The following HERPUD2 variants were observed in gnomAD, a reference collection of about 807,000 sequenced individuals.
The protein encoded by HERPUD2 is homocysteine-responsive endoplasmic reticulum-resident ubiquitin-like domain member 2 protein.
Under a neutral mutation model 49.9 loss-of-function variants are expected in HERPUD2, and 13 were observed. That is an observed-to-expected ratio of 0.26 (90% CI 0.17 to 0.41). The LOEUF is 0.41. Among genes scored for constraint, HERPUD2 ranks in the 10% least tolerant of loss-of-function variants. The pLI, the probability that HERPUD2 is intolerant of heterozygous loss-of-function variation, is 1.00. For synonymous variants in HERPUD2, 172 were observed against 171.4 expected, an observed-to-expected ratio of 1.00 and a Z score of -0.03; for missense variants, 449 against 492.2, an observed-to-expected ratio of 0.91 and a Z score of 0.83.
chr7:35,668,605 G>A (rs1400899486), intron 4 of HERPUD2: 3 of 154,872 alleles, frequency 1.9e-5, no homozygotes, highest in Non-Finnish European at 4.4e-5. Context: ...GTCCTGCAAT[G>A]TGAAAGGTCC....
chr7:35,671,422 C>A (rs533163578), intron 3 of HERPUD2, among the ~76,000 whole-genome samples: 1 of 152,086 alleles, frequency 6.6e-6, no homozygotes, highest in Admixed American at 6.6e-5. Context: ...ACAGAAGGTA[C>A]GCCTGGCAAA....
chr7:35,685,296 G>C (rs886831972), intron 2 of HERPUD2, among the ~76,000 whole-genome samples: 2 of 148,986 alleles, frequency 1.3e-5, no homozygotes, highest in African/African-American at 4.9e-5. Flanking sequence ...GCCTAAACTA[G>C]GTAAAAAGTA....
intron 5 of HERPUD2, among the ~76,000 whole-genome samples, chr7:35,648,852 ATT>A (rs1038392085): frequency 8.5e-5 from 13 of 152,262 alleles, no homozygotes; most frequent in African/African-American, 3.1e-4. Flanking sequence ...AGCCACTGAT[ATT>A]TTGAGGTTAG....
intron 5 of HERPUD2, among the ~76,000 whole-genome samples, chr7:35,660,750 T>C (rs974822915): frequency 2.6e-5 from 4 of 152,192 alleles, no homozygotes; most frequent in Non-Finnish European, 4.4e-5. Flanking sequence ...GTAAATTTGT[T>C]TAAGTTCTTC....
At chr7:35,664,426 A>C (rs986923710) in intron 5 of HERPUD2, among the ~76,000 whole-genome samples, 8 of 152,090 alleles carry the variant, frequency 5.3e-5, no homozygotes, top group Admixed American at 3.3e-4. Flanking sequence ...CCTGAATTTG[A>C]ATGTTGGCCT....
intron 3 of HERPUD2, among the ~76,000 whole-genome samples, chr7:35,672,831 A>C (rs1321088031): frequency 6.6e-6 from 1 of 152,130 alleles, no homozygotes; most frequent in Non-Finnish European, 1.5e-5. Flanking sequence ...AATTTGTATA[A>C]AAATATCATG....
At chr7:35,673,422 T>C in intron 2 of HERPUD2, 144 bp from the exon 3 acceptor site, 1 of 605,084 alleles carries the variant, frequency 1.7e-6, no homozygotes, top group Non-Finnish European at 2.9e-6. Flanking sequence ...GAATTTTTGT[T>C]TTTCCAAATT....
rs77586952 is a variant in HERPUD2 at position 35,670,037 on chromosome 7, G to A, written c.339+178C>T. On this transcript the variant is annotated intron_variant, in intron 4 of 8. Transcript: ENST00000311350. Reference sequence around the variant, plus strand: ...AATAGACTTCAAGGGATAACACTGCGTATTAGATCTTTCAAAATGGTAAAC... The same window carrying A: ...AATAGACTTCAAGGGATAACACTGCATATTAGATCTTTCAAAATGGTAAAC... Among the ~76,000 whole-genome samples the A allele has an allele frequency of 5.4e-3, 815 of 151,824 alleles. 14 individuals are homozygous for A. The highest frequency in any genetic ancestry group is 4.0e-3 in the Non-Finnish European group (272 of 67,932).
intron 2 of HERPUD2, among the ~76,000 whole-genome samples, chr7:35,679,301 A>G (rs1048285077): frequency 6.6e-6 from 1 of 152,222 alleles, no homozygotes; most frequent in African/African-American, 2.4e-5. Context: ...AAGCTAGCAC[A>G]TATTGTATTT....
chr7:35,667,467 G>A lies in HERPUD2; in HGVS notation c.461C>T (p.Ala154Val). 1.2e-6 allele frequency: 2 copies of A among 1,613,872 alleles called. No homozygotes were observed. Among genetic ancestry groups the A allele is most frequent in the South Asian group, 1.1e-5 (1 of 91,056 alleles). ...RTLPQAQTDQ[A>V]QSHQFPYVMQ... ...TACATATGGAAACTGGTGACTCTGT[G>A]CTTGGTCAGTTTGTGCTTGTGGAAG... Residue 154 changes from alanine to valine, a missense_variant, in exon 5 of 9, where the codon GCA (alanine) becomes GTA (valine). Coordinates refer to ENST00000311350, the MANE Select transcript of HERPUD2 (RefSeq NM_022373.5).
At chr7:35,643,679 T>C (rs904889951) in intron 5 of HERPUD2, among the ~76,000 whole-genome samples, 2 of 150,952 alleles carry the variant, frequency 1.3e-5, no homozygotes, top group Non-Finnish European at 3.0e-5. Context: ...ATAATAAAAA[T>C]AAAATAATAA....
intron 5 of HERPUD2, among the ~76,000 whole-genome samples, chr7:35,660,283 G>A (rs1035419381): frequency 1.3e-5 from 2 of 152,192 alleles, no homozygotes; most frequent in African/African-American, 4.8e-5. Flanking sequence ...ATCATTGATG[G>A]ACATTTGGGT....
At chr7:35,652,599 A>AG (rs1785189742) in intron 5 of HERPUD2, among the ~76,000 whole-genome samples, 1 of 151,904 alleles carries the variant, frequency 6.6e-6, no homozygotes, top group South Asian at 2.1e-4. Flanking sequence ...AAGAAAAGAA[A>AG]AAAGGAAAGA....
chr7:35,670,244 G>T lies in HERPUD2; in HGVS notation c.310C>A (p.His104Asn), dbSNP rs201373686. 3 of 1,581,518 alleles carry T rather than the reference G, an allele frequency of 1.9e-6. No homozygotes were observed. In the East Asian group the frequency reaches 6.8e-5, roughly 36 times the overall value. Residue 104 changes from histidine (H) to asparagine (N), a missense_variant, in exon 4 of 9, where the codon CAT (histidine) becomes AAT (asparagine). Physicochemically the swap from His to Asn is moderately conservative, Grantham distance 68. Coordinates refer to ENST00000311350, the MANE Select transcript of HERPUD2 (RefSeq NM_022373.5). ...TTGCTGCTGGATGCCAATGCTTCAT[G>T]ACTTTCTCTATTGGTGCTGGATTTT... ...SPKSSTNRES[H>N]EALASSSNSS...
chr7:35,674,400 TATATAGAG>T (rs1785708993), intron 2 of HERPUD2, among the ~76,000 whole-genome samples: 2 of 60,200 alleles, frequency 3.3e-5, no homozygotes, highest in South Asian at 6.9e-4. Context: ...TATATATATA[TATATAGAG>T]AGAGAGAGAG....
chr7:35,657,633 C>T lies in HERPUD2; in HGVS notation c.494+9801G>A, dbSNP rs566914685. 4.4e-3 allele frequency among the ~76,000 whole-genome samples: 620 copies of T among 141,436 alleles called. 1 individual carries two copies. Among genetic ancestry groups the T allele is most frequent in the Admixed American group, 0.012 (161 of 13,808 alleles). The allele number at this position is 141,436 out of a possible 152,430, so 92.8% of individuals were successfully genotyped here. On this transcript the variant is annotated intron_variant, in intron 5 of 8. Coordinates refer to ENST00000311350, the MANE Select transcript of HERPUD2 (RefSeq NM_022373.5). ...AAAAAAAAAAAAAAAAAAGGCCGGGCGCGGTGGCTCACGAGCCTGTAATCC... is the reference window on the plus strand; with the variant it reads ...AAAAAAAAAAAAAAAAAAGGCCGGGTGCGGTGGCTCACGAGCCTGTAATCC...
intron 5 of HERPUD2, among the ~76,000 whole-genome samples, chr7:35,656,612 T>C (rs774675561): frequency 6.6e-6 from 1 of 152,098 alleles, no homozygotes; most frequent in South Asian, 2.1e-4. Flanking sequence ...GGTATAAAAA[T>C]AGACACAGAA....
At chr7:35,682,900 C>T (rs540126115) in intron 2 of HERPUD2, among the ~76,000 whole-genome samples, 3 of 149,668 alleles carry the variant, frequency 2.0e-5, no homozygotes, top group South Asian at 4.2e-4. Flanking sequence ...AACAACAAAA[C>T]ACTGGTGAAA....
At chr7:35,686,429 C>T (rs1166695918) in intron 2 of HERPUD2, among the ~76,000 whole-genome samples, 13 of 145,598 alleles carry the variant, frequency 8.9e-5, no homozygotes, top group South Asian at 2.2e-4. Context: ...TCTCATGATC[C>T]GCCCACCTCG....
Sources: gnomAD v4.1 joint callset for allele counts (sites outside exome capture counted in the v4.1 genomes callset) on GRCh38, gnomAD v4.1.1 for gene constraint, MANE v1.5 for transcripts, NCBI Gene and HGNC (gene_info 2026-07-23, HGNC 2026-07-21) for gene names.